NCAM2: variants seen among roughly 807,000 people sequenced by gnomAD.
NCAM2 encodes the protein neural cell adhesion molecule 2.
A neutral mutation model predicts 98.1 loss-of-function variants in NCAM2; 30 were observed. The observed-to-expected ratio is 0.31, with a 90% CI of 0.23 to 0.41. The LOEUF is 0.41. Among genes scored for constraint, NCAM2 ranks in the 10% least tolerant of loss-of-function variants. NCAM2 has a pLI of 1.00. For missense variants in NCAM2, 867 were observed against 1,005.8 expected, an observed-to-expected ratio of 0.86 and a Z score of 1.87; for synonymous variants, 368 against 342.4, an observed-to-expected ratio of 1.07 and a Z score of -0.83.
chr21:21,007,503 A>T (rs1170161404), intron 1 of NCAM2, among the ~76,000 whole-genome samples: 3 of 152,186 alleles, frequency 2.0e-5, no homozygotes, highest in Non-Finnish European at 2.9e-5. Flanking sequence ...ATTATATGCT[A>T]AACGAGTGGT....
chr21:21,038,920 T>C (rs1231408379), intron 1 of NCAM2, among the ~76,000 whole-genome samples: 1 of 152,174 alleles, frequency 6.6e-6, no homozygotes, highest in African/African-American at 2.4e-5. Context: ...TCTTTTGATA[T>C]GTATAATCTT....
chr21:21,145,576 A>G (rs764179990), intron 1 of NCAM2, among the ~76,000 whole-genome samples: 4 of 152,162 alleles, frequency 2.6e-5, no homozygotes, highest in Non-Finnish European at 5.9e-5. Context: ...CTGTTCTGCA[A>G]AATTTTTAAG....
chr21:21,216,550 A>C (rs2069908030), intron 1 of NCAM2, among the ~76,000 whole-genome samples: 1 of 152,208 alleles, frequency 6.6e-6, no homozygotes, highest in Non-Finnish European at 1.5e-5. Context: ...ACTTCTCCAT[A>C]CAAAACTACA....
chr21:21,260,715 C>A (rs2071864693), intron 1 of NCAM2, among the ~76,000 whole-genome samples: 1 of 152,084 alleles, frequency 6.6e-6, no homozygotes, highest in Admixed American at 6.6e-5. Context: ...GAGTCCTAAA[C>A]ATTGAAATAA....
intron 15 of NCAM2, among the ~76,000 whole-genome samples, chr21:21,493,683 A>G (rs1333225620): frequency 6.6e-6 from 1 of 151,884 alleles, no homozygotes; most frequent in African/African-American, 2.4e-5. Context: ...TGTCCTAAAA[A>G]TCCTCTGTGT....
chr21:21,038,377 C>G (rs891838518), intron 1 of NCAM2, among the ~76,000 whole-genome samples: 2 of 152,150 alleles, frequency 1.3e-5, no homozygotes, highest in Admixed American at 6.6e-5. Flanking sequence ...TACTGTCACT[C>G]TTTGATATGG....
At chr21:21,052,150 A>ATTTTTTTTTTTTT (rs5842877) in intron 1 of NCAM2, among the ~76,000 whole-genome samples, 23 of 74,800 alleles carry the variant, frequency 3.1e-4, no homozygotes, top group African/African-American at 1.2e-3. Context: ...CATGATGGCC[A>ATTTTTTTTTTTTT]TTTTTTTTTT....
At chr21:21,214,902 A>G (rs2069828935) in intron 1 of NCAM2, among the ~76,000 whole-genome samples, 1 of 151,358 alleles carries the variant, frequency 6.6e-6, no homozygotes, top group Admixed American at 6.6e-5. Flanking sequence ...GGAAATTAGG[A>G]TTGTCTTATT....
At position 21,418,586 on chromosome 21, in the gene NCAM2, A is replaced by G. The variant is rs368849257; in HGVS notation, c.1480+17A>G. The G allele has an allele frequency of 6.6e-7, 1 of 1,510,710 alleles. No homozygotes were observed. Among genetic ancestry groups the G allele is most frequent in the African/African-American group, 1.4e-5 (1 of 72,742 alleles). The allele number at this position is 1,510,710 out of a possible 1,614,324, so 93.6% of individuals were successfully genotyped here. A position where few individuals can be genotyped will look rare whatever the true frequency, so the allele number is the denominator to read the frequency against. ...CTTTGGCTGGTAAGTATAGCACAAT[A>G]ATTTTTGAGATCGCACACAATATTT... On this transcript the variant is annotated intron_variant, in intron 11 of 17. Transcript: ENST00000400546.
chr21:21,433,785 TAAAATAAAATA>T, intron 12 of NCAM2, among the ~76,000 whole-genome samples: 1 of 139,524 alleles, frequency 7.2e-6, no homozygotes, highest in African/African-American at 2.6e-5. Flanking sequence ...TAAAATAAAA[TAAAATAAAATA>T]AAAATAAAAG....
At chr21:21,333,637 TA>T (rs1387830248) in intron 6 of NCAM2, among the ~76,000 whole-genome samples, 1 of 152,200 alleles carries the variant, frequency 6.6e-6, no homozygotes, top group African/African-American at 2.4e-5. Context: ...CCTGTCTTTT[TA>T]TTTGTGAATT....
At chr21:21,354,224 G>T (rs552772801) in intron 8 of NCAM2, among the ~76,000 whole-genome samples, 2 of 152,124 alleles carry the variant, frequency 1.3e-5, no homozygotes, top group Non-Finnish European at 2.9e-5. Context: ...ACGTAGTATA[G>T]ACCTACATCC....
At chr21:21,202,006 C>T (rs141934408) in intron 1 of NCAM2, among the ~76,000 whole-genome samples, 4 of 152,184 alleles carry the variant, frequency 2.6e-5, no homozygotes, top group East Asian at 1.9e-4. Flanking sequence ...GCATCAGTGT[C>T]GCTTAAATGT....
Position 21,204,518 on chromosome 21 carries a change from A to G in NCAM2, c.56-76060A>G, listed in dbSNP as rs538460751. 4.2e-4 allele frequency among the ~76,000 whole-genome samples: 64 copies of G among 152,266 alleles called. No individual in the cohort carries two copies. In the South Asian group the frequency reaches 0.013, roughly 32 times the overall value. ...TGTAAATAACATTTTCAAACTTGTT[A>G]TGCTTTTTAAGGCTGAAAAGAAAGC... On this transcript the variant is annotated intron_variant, in intron 1 of 17. Transcript: ENST00000400546.
intron 8 of NCAM2, among the ~76,000 whole-genome samples, chr21:21,368,066 T>C (rs746947918): frequency 8.6e-5 from 13 of 151,978 alleles, no homozygotes; most frequent in Non-Finnish European, 1.5e-4. Context: ...AAAGCTTTAT[T>C]ATCATAATAT....
intron 1 of NCAM2, among the ~76,000 whole-genome samples, chr21:21,114,613 A>C (rs1450628487): frequency 2.0e-5 from 3 of 152,184 alleles, no homozygotes; most frequent in Non-Finnish European, 2.9e-5. Context: ...GAGCTACTTT[A>C]ATGATGCCAA....
chr21:21,297,028 TA>T (rs1456234574), intron 5 of NCAM2, among the ~76,000 whole-genome samples: 2 of 151,496 alleles, frequency 1.3e-5, no homozygotes, highest in South Asian at 4.2e-4. Context: ...GGATGAAAGC[TA>T]AAAAAAAGTT....
At chr21:21,352,258 A>AT (rs2075362261) in intron 8 of NCAM2, among the ~76,000 whole-genome samples, 1 of 151,602 alleles carries the variant, frequency 6.6e-6, no homozygotes, top group South Asian at 2.1e-4. Flanking sequence ...ATTTTACTTT[A>AT]TTTTATTTGG....
intron 1 of NCAM2, among the ~76,000 whole-genome samples, chr21:21,003,454 A>G (rs1229667622): frequency 6.6e-6 from 1 of 152,146 alleles, no homozygotes; most frequent in Non-Finnish European, 1.5e-5. Context: ...TGAAGAAGCA[A>G]CTTATGCTCT....
Sources: gnomAD v4.1 joint callset for allele counts (sites outside exome capture counted in the v4.1 genomes callset) on GRCh38, gnomAD v4.1.1 for gene constraint, MANE v1.5 for transcripts, NCBI Gene and HGNC (gene_info 2026-07-23, HGNC 2026-07-21) for gene names.